Variants in NDST1 observed in about 807,000 individuals in gnomAD.
NDST1 encodes N-deacetylase and N-sulfotransferase 1.
A neutral mutation model predicts 92.8 loss-of-function variants in NDST1; 35 were observed. The observed-to-expected ratio is 0.38, with a 90% CI of 0.29 to 0.50. The LOEUF is 0.50. NDST1 is among the 20% of genes least tolerant of loss of function. The pLI is 0.94. For synonymous variants in NDST1, 493 were observed against 500.3 expected (o/e 0.99, Z 0.19); for missense variants, 822 against 1,182.7 (o/e 0.69, Z 4.47).
chr5:150,515,508 G>T (rs1023102086), intron 1 of NDST1, among the ~76,000 whole-genome samples: 2 of 152,244 alleles, frequency 1.3e-5, no homozygotes, highest in African/African-American at 4.8e-5. Context: ...AGAGGGGGCA[G>T]TGGTTGGTGA....
At chr5:150,527,617 G>A (rs1056525396) in intron 2 of NDST1, among the ~76,000 whole-genome samples, 187 bp from the exon 3 acceptor site, 1 of 152,230 alleles carries the variant, frequency 6.6e-6, no homozygotes, top group Non-Finnish European at 1.5e-5. Flanking sequence ...GCCTGGCTTT[G>A]GTAAGTGAGT....
At chr5:150,513,852 G>T (rs1317835584) in intron 1 of NDST1, among the ~76,000 whole-genome samples, 20 of 152,370 alleles carry the variant, frequency 1.3e-4, no homozygotes, top group African/African-American at 4.8e-5. Context: ...GCATTTTCAG[G>T]TGGGGATGTT....
chr5:150,536,082 C>T (rs894282753), intron 6 of NDST1, among the ~76,000 whole-genome samples, 197 bp downstream of exon 6: 1 of 152,228 alleles, frequency 6.6e-6, no homozygotes, highest in Non-Finnish European at 1.5e-5. Flanking sequence ...CTTTCATGAG[C>T]TCTTTCTTAG....
intron 1 of NDST1, among the ~76,000 whole-genome samples, chr5:150,513,070 C>T (rs545996942): frequency 3.2e-4 from 49 of 152,206 alleles, no homozygotes; most frequent in African/African-American, 1.2e-3. Context: ...GTGGCACACA[C>T]CTGTGGTCCT....
intron 10 of NDST1, among the ~76,000 whole-genome samples, 154 bp from the exon 11 acceptor site, chr5:150,545,158 C>A (rs973981059): frequency 6.6e-6 from 1 of 152,200 alleles, no homozygotes; most frequent in African/African-American, 2.4e-5. Flanking sequence ...CCTCCAGAAT[C>A]CCCACTGGAG....
chr5:150,515,027 C>T (rs957537841), intron 1 of NDST1, among the ~76,000 whole-genome samples: 1 of 152,218 alleles, frequency 6.6e-6, no homozygotes, highest in Non-Finnish European at 1.5e-5. Context: ...AGCCCTGGTC[C>T]TGCCCCACAG....
At chr5:150,525,135 GGTA>G (rs893824813) in intron 2 of NDST1, among the ~76,000 whole-genome samples, 40 of 152,312 alleles carry the variant, frequency 2.6e-4, no homozygotes, top group Non-Finnish European at 4.3e-4. Flanking sequence ...CTCCGGAGTG[GGTA>G]CTCAGTGGTG....
At position 150,535,476 on chromosome 5, in the gene NDST1, A is replaced by C. The variant is rs921627441; in HGVS notation, c.1252-224A>C. 3.5e-6 allele frequency: 3 copies of C among 861,882 alleles called. No homozygotes were observed. In the African/African-American group the frequency reaches 5.5e-5, roughly 16 times the overall value. The allele number at this position is 861,882 out of a possible 1,614,324, so 53.4% of individuals were successfully genotyped here. A position where few individuals can be genotyped will look rare whatever the true frequency, so the allele number is the denominator to read the frequency against. Reference sequence around the variant, plus strand: ...AGGCATGTGCACCGGACCAAGAGTCAGGAGACCTGGGTTCTAATCCCAGCT... The same window carrying C: ...AGGCATGTGCACCGGACCAAGAGTCCGGAGACCTGGGTTCTAATCCCAGCT... On this transcript the variant is annotated intron_variant, in intron 5 of 14. Transcript: ENST00000261797.
chr5:150,551,721 G>T, intron 13 of NDST1, 32 bp from the exon 14 acceptor site: 1 of 1,609,034 alleles, frequency 6.2e-7, no homozygotes, highest in Non-Finnish European at 8.5e-7. Context: ...GGCTGAGCCA[G>T]CTCCCATCCA....
intron 11 of NDST1, among the ~76,000 whole-genome samples, chr5:150,547,119 C>T (rs2151301407): frequency 6.6e-6 from 1 of 152,336 alleles, no homozygotes; most frequent in African/African-American, 2.4e-5. Context: ...TTTGTGTCCC[C>T]TTCTCAAAGA....
chr5:150,540,720 G>C (rs1031672815), intron 8 of NDST1, among the ~76,000 whole-genome samples: 1 of 152,132 alleles, frequency 6.6e-6, no homozygotes, highest in African/African-American at 2.4e-5. Flanking sequence ...TGAGGCAGAG[G>C]TGGGAGGATC....
At chr5:150,536,578 T>C (rs3095904) in intron 6 of NDST1, among the ~76,000 whole-genome samples, 38,790 of 151,788 alleles carry the variant, frequency 0.26, 5,470 homozygotes, top group African/African-American at 0.38. Flanking sequence ...CTTTCTTTCT[T>C]CTTTTTTGAG....
intron 12 of NDST1, among the ~76,000 whole-genome samples, chr5:150,549,460 G>C (rs373783520): frequency 1.5e-4 from 23 of 152,194 alleles, no homozygotes; most frequent in African/African-American, 5.5e-4. Context: ...TAAATTCTAG[G>C]AGAAATGGCA....
chr5:150,535,231 A>G, intron 5 of NDST1: 1 of 884,366 alleles, frequency 1.1e-6, no homozygotes, highest in Non-Finnish European at 1.4e-6. Context: ...ACCAAGGCTC[A>G]GGGAGGTCAC....
rs763895911 is a variant in NDST1, at chr5:150,541,553, T to A, written c.1750-17T>A. ...GGTTCTGGGGCGCCCCACACATCCC[T>A]TCCACTGTTGTTTTAGGACCCCTGC... On this transcript the variant is annotated splice_polypyrimidine_tract_variant and intron_variant, in intron 8 of 14. Coordinates refer to ENST00000261797, the MANE Select transcript of NDST1 (RefSeq NM_001543.5). 4.3e-6 allele frequency: 7 copies of A among 1,613,622 alleles called. No homozygotes were observed. The highest frequency in any genetic ancestry group is 5.1e-6 in the Non-Finnish European group (6 of 1,179,514).
chr5:150,506,054 G>A (rs1227451403), upstream of NDST1, among the ~76,000 whole-genome samples: 2 of 152,154 alleles, frequency 1.3e-5, no homozygotes, highest in African/African-American at 4.8e-5. Flanking sequence ...AGGCAAGTGA[G>A]GCATCTAAGT....
At chr5:150,509,516 GC>G (rs899681337) in intron 1 of NDST1, among the ~76,000 whole-genome samples, 3 of 152,086 alleles carry the variant, frequency 2.0e-5, no homozygotes, top group Non-Finnish European at 4.4e-5. Context: ...GCAGGAGGTG[GC>G]CCCCCTTTCT....
In NDST1 at chr5:150,528,106, G is replaced by A. The variant is rs1213852576; in HGVS notation, c.816G>A (p.Leu272=). ...LHATVVQDLG[L]HDGIQRVLFG... ...CCACTGTGGTCCAGGACCTGGGCCT[G>A]CACGACGGCATCCAGCGCGTGCTGT... Residue 272 remains leucine (L), a synonymous_variant, in exon 3 of 15, where the codon CTG becomes CTA. Transcript: ENST00000261797. The A allele has an allele frequency of 1.2e-6, 2 of 1,613,970 alleles. No homozygotes were observed.
intron 2 of NDST1, among the ~76,000 whole-genome samples, chr5:150,524,287 G>A (rs1417482622): frequency 6.6e-6 from 1 of 152,210 alleles, no homozygotes; most frequent in Admixed American, 6.5e-5. Flanking sequence ...CTCAATAGAT[G>A]GTAGCTATCG....
Sources: allele counts gnomAD v4.1 joint callset (sites outside exome capture counted in the v4.1 genomes callset), GRCh38; gene constraint gnomAD v4.1.1; transcripts MANE v1.5; gene names NCBI Gene and HGNC (gene_info 2026-07-23, HGNC 2026-07-21).